NRG1: variants seen among roughly 807,000 people sequenced by gnomAD.
NRG1 encodes neuregulin 1, also known as pro-neuregulin-1, membrane-bound isoform.
In NRG1, 18 loss-of-function variants were observed where a neutral mutation model predicts 63.8. The observed-to-expected ratio is 0.28, with a 90% CI of 0.19 to 0.42. NRG1 has a LOEUF of 0.42. NRG1 is among the 10% of genes least tolerant of loss of function. The probability of loss-of-function intolerance (pLI) is 1.00; values close to 1 mark genes in which losing one functional copy is unlikely to be tolerated. For missense variants in NRG1, 762 were observed against 814.7 expected, an observed-to-expected ratio of 0.94 and a Z score of 0.79; for synonymous variants, 302 against 301.3, an observed-to-expected ratio of 1.00 and a Z score of -0.02.
intron 1 of NRG1, among the ~76,000 whole-genome samples, chr8:31,879,247 G>A (rs1280328746): frequency 6.6e-6 from 1 of 152,154 alleles, no homozygotes; most frequent in African/African-American, 2.4e-5. Context: ...AGTGTGTTCT[G>A]TAGTCTTTAT....
intron 1 of NRG1, among the ~76,000 whole-genome samples, chr8:32,267,222 C>T (rs918751662): frequency 6.6e-6 from 1 of 151,948 alleles, no homozygotes; most frequent in African/African-American, 2.4e-5. Context: ...ATATTCTTTC[C>T]ATCCATTACA....
intron 1 of NRG1, among the ~76,000 whole-genome samples, chr8:32,085,058 C>G (rs1257431043): frequency 6.6e-6 from 1 of 152,188 alleles, no homozygotes; most frequent in Non-Finnish European, 1.5e-5. Context: ...CTGGGCTGCT[C>G]TGGAGTTCGC....
At chr8:31,747,463 C>T (rs1433453838) in intron 1 of NRG1, among the ~76,000 whole-genome samples, 1 of 151,990 alleles carries the variant, frequency 6.6e-6, no homozygotes, top group Non-Finnish European at 1.5e-5. Flanking sequence ...AATTCTTTTA[C>T]AGTTAATTAA....
chr8:32,415,377 AAAAG>A (rs1454404972), intron 1 of NRG1, among the ~76,000 whole-genome samples: 184 of 151,388 alleles, frequency 1.2e-3, no homozygotes, highest in African/African-American at 4.3e-3. Context: ...AAAAAAAAAA[AAAAG>A]AAAGAAAGAA....
chr8:32,381,169 C>T (rs113934619), intron 1 of NRG1, among the ~76,000 whole-genome samples: 3 of 152,220 alleles, frequency 2.0e-5, no homozygotes, highest in African/African-American at 7.2e-5. Flanking sequence ...CTTTCGATTT[C>T]TTAAATATAC....
chr8:32,605,674 G>A (rs1845139426), exon 3 of NRG1: 5 of 1,612,792 alleles, frequency 3.1e-6, no homozygotes, highest in African/African-American at 2.7e-5. Context: ...CACCATCGTG[G>A]AATCAAACGG....
At chr8:32,225,386 T>G (rs1229046228) in intron 1 of NRG1, among the ~76,000 whole-genome samples, 3 of 152,192 alleles carry the variant, frequency 2.0e-5, no homozygotes, top group Non-Finnish European at 4.4e-5. Flanking sequence ...AGCCATGAAG[T>G]GTCCCCACCA....
At chr8:31,962,032 G>A (rs2129626204) in intron 1 of NRG1, among the ~76,000 whole-genome samples, 1 of 152,226 alleles carries the variant, frequency 6.6e-6, no homozygotes, top group South Asian at 2.1e-4. Context: ...TGGTGTGTCT[G>A]AAAGAAAATC....
chr8:32,228,013 T>C (rs555569839), intron 1 of NRG1, among the ~76,000 whole-genome samples: 2 of 152,364 alleles, frequency 1.3e-5, no homozygotes, highest in African/African-American at 4.8e-5. Context: ...CTCTCAGATA[T>C]TAAGAATTAT....
intron 1 of NRG1, among the ~76,000 whole-genome samples, chr8:32,406,215 A>G (rs145645985): frequency 6.6e-6 from 1 of 152,244 alleles, no homozygotes; most frequent in East Asian, 1.9e-4. Flanking sequence ...TGTCTCTCAT[A>G]AGATTGGTAG....
chr8:32,409,138 A>G (rs1159723717), intron 1 of NRG1, among the ~76,000 whole-genome samples: 1 of 152,184 alleles, frequency 6.6e-6, no homozygotes, highest in Non-Finnish European at 1.5e-5. Flanking sequence ...TCAATCATCC[A>G]TTGATTGAAT....
chr8:31,788,511 A>T (rs770583216), intron 1 of NRG1, among the ~76,000 whole-genome samples: 11 of 152,176 alleles, frequency 7.2e-5, no homozygotes, highest in Non-Finnish European at 1.5e-4. Context: ...AGCAAAGAAC[A>T]GTACCCCTCA....
At chr8:31,895,632 A>C (rs186625419) in intron 1 of NRG1, among the ~76,000 whole-genome samples, 3 of 152,140 alleles carry the variant, frequency 2.0e-5, no homozygotes, top group African/African-American at 7.2e-5. Flanking sequence ...TTTTGTCCCT[A>C]GTTCTGCCTG....
At chr8:32,581,444 T>C (rs1038840487) in intron 1 of NRG1, among the ~76,000 whole-genome samples, 1 of 152,166 alleles carries the variant, frequency 6.6e-6, no homozygotes, top group Non-Finnish European at 1.5e-5. Flanking sequence ...TGATATGGAG[T>C]GTTTGAATCA....
intron 1 of NRG1, among the ~76,000 whole-genome samples, chr8:31,685,914 G>T (rs1808838013): frequency 6.6e-6 from 1 of 151,932 alleles, no homozygotes; most frequent in South Asian, 2.1e-4. Context: ...GAACATTTGG[G>T]TTGCTTTTAC....
intron 1 of NRG1, among the ~76,000 whole-genome samples, chr8:32,519,698 T>A (rs757745938): frequency 6.6e-6 from 1 of 152,188 alleles, no homozygotes; most frequent in Non-Finnish European, 1.5e-5. Context: ...CTCTTTTAGA[T>A]AATACAGGAG....
intron 1 of NRG1, among the ~76,000 whole-genome samples, chr8:32,305,237 A>C (rs1202049417): frequency 6.6e-6 from 1 of 152,172 alleles, no homozygotes; most frequent in Non-Finnish European, 1.5e-5. Context: ...AAACTTTAAA[A>C]AATTGATTAA....
At chr8:32,695,643 T>C (rs2128947804) in intron 5 of NRG1, among the ~76,000 whole-genome samples, 1 of 152,346 alleles carries the variant, frequency 6.6e-6, no homozygotes, top group Non-Finnish European at 1.5e-5. Flanking sequence ...GTGAAGTTGC[T>C]TGACGTTCAC....
chr8:32,293,493 CT>C (rs1171932823), intron 1 of NRG1, among the ~76,000 whole-genome samples: 1 of 152,102 alleles, frequency 6.6e-6, no homozygotes, highest in African/African-American at 2.4e-5. Flanking sequence ...GAATATATTT[CT>C]GTTGTGTTAA....
Sources: gnomAD v4.1 joint callset for allele counts (sites outside exome capture counted in the v4.1 genomes callset) on GRCh38, gnomAD v4.1.1 for gene constraint, MANE v1.5 for transcripts, NCBI Gene and HGNC (gene_info 2026-07-23, HGNC 2026-07-21) for gene names.